The following C2CD5 variants were observed in gnomAD, a reference collection of about 807,000 sequenced individuals.
C2CD5 encodes C2 calcium dependent domain containing 5.
C2CD5 carries 109 observed loss-of-function variants against 130.3 expected under a neutral mutation model. The ratio of observed to expected loss-of-function variants is 0.84; its 90% CI spans 0.72 to 0.98. C2CD5 has a LOEUF of 0.98. C2CD5 is among the 50% of genes least tolerant of loss of function. C2CD5 has a pLI of 0.00. For missense variants in C2CD5, 996 were observed against 1,261.8 expected (o/e 0.79, Z 3.19); for synonymous variants, 454 against 429.2 (o/e 1.06, Z -0.71).
At chr12:22,529,881 C>T (rs1250357812) in intron 3 of C2CD5, among the ~76,000 whole-genome samples, 1 of 151,776 alleles carries the variant, frequency 6.6e-6, no homozygotes, top group Non-Finnish European at 1.5e-5. Flanking sequence ...CACTCATGTG[C>T]TCACTGGAAC....
chr12:22,491,373 C>A (rs1177592977), intron 11 of C2CD5, among the ~76,000 whole-genome samples: 1 of 151,978 alleles, frequency 6.6e-6, no homozygotes, highest in Non-Finnish European at 1.5e-5. Flanking sequence ...TCTCCTTATG[C>A]CTCTTCTTTT....
chr12:22,459,355 T>C (rs1940629352), intron 23 of C2CD5, 137 bp downstream of exon 23: 6 of 490,256 alleles, frequency 1.2e-5, no homozygotes, highest in Admixed American at 3.6e-5. Flanking sequence ...ATATTCTACC[T>C]ACAAAAAAAA....
chr12:22,474,589 C>T (rs1943556232), intron 16 of C2CD5, among the ~76,000 whole-genome samples, 162 bp downstream of exon 16: 1 of 152,032 alleles, frequency 6.6e-6, no homozygotes. Flanking sequence ...ACATATGTTA[C>T]CAAGTTCTGT....
rs370776773 is a variant in C2CD5 at position 22,449,788 on chromosome 12, G to A, written c.3128C>T (p.Ser1043Leu). The change falls in exon 27 of 27, where the codon TCA becomes TTA. Residue 1043 changes from serine (S) to leucine (L), a missense_variant. Physicochemically the swap from Ser to Leu is moderately radical, Grantham distance 145. Transcript: ENST00000446597. ...SQQPTTNCQSSCTEGEVTT is the reference protein window; with the variant it reads ...SQQPTTNCQSLCTEGEVTT ...GGTTGTAACTTCGCCTTCAGTACAT[G>A]ATGACTGGCAGTTGGTAGTAGGTTG... 1.9e-5 allele frequency: 30 copies of A among 1,606,656 alleles called. No individual in the cohort carries two copies. In the East Asian group the frequency reaches 6.5e-4, roughly 35 times the overall value.
chr12:22,475,244 T>C (rs751223191), intron 15 of C2CD5, among the ~76,000 whole-genome samples: 42 of 152,278 alleles, frequency 2.8e-4, no homozygotes, highest in Admixed American at 7.9e-4. Flanking sequence ...AAAGTCCTAA[T>C]AGGCCTTAAA....
chr12:22,504,304 CTTTTTTT>C (rs10707954), intron 10 of C2CD5, among the ~76,000 whole-genome samples: 2 of 135,618 alleles, frequency 1.5e-5, no homozygotes, highest in Non-Finnish European at 3.2e-5. Context: ...GTTTTTTTTT[CTTTTTTT>C]TTTTTTTTGA....
chr12:22,451,754 A>G (rs781741506), intron 26 of C2CD5, among the ~76,000 whole-genome samples: 13 of 152,116 alleles, frequency 8.5e-5, no homozygotes, highest in Non-Finnish European at 1.8e-4. Flanking sequence ...CCTCTTGGGC[A>G]TGTTAGGAGA....
At chr12:22,498,207 A>G (rs991451915) in intron 10 of C2CD5, among the ~76,000 whole-genome samples, 26 of 152,106 alleles carry the variant, frequency 1.7e-4, no homozygotes, top group African/African-American at 4.3e-4. Flanking sequence ...ACCTATCTCC[A>G]TTTAACTAAT....
chr12:22,518,025 A>G lies in C2CD5; in HGVS notation c.913T>C (p.Ser305Pro). The G allele has an allele frequency of 6.2e-7, 1 of 1,613,804 alleles. No individual in the cohort carries two copies. Among genetic ancestry groups the G allele is most frequent in the Non-Finnish European group, 8.5e-7 (1 of 1,179,802 alleles). The change falls in exon 8 of 27, where the codon TCT becomes CCT. Residue 305 changes from serine (S) to proline (P), a missense_variant. This residue lies in a region of C2CD5 where 156 missense variants were observed against 165.9 expected (regional missense o/e 0.94). Coordinates refer to ENST00000446597, the MANE Select transcript of C2CD5 (RefSeq NM_001286176.2). ...SPSKSYSRQS[S>P]SSDTDLSLTP... ...AAACTCAAATCTGTGTCAGAAGAAG[A>G]GGACTGTCGACTGTAGGACTTGGAA...
chr12:22,452,145 G>C (rs1277173708), intron 26 of C2CD5, among the ~76,000 whole-genome samples: 2 of 152,010 alleles, frequency 1.3e-5, no homozygotes, highest in Admixed American at 6.6e-5. Flanking sequence ...AAGTAATTAA[G>C]CAAAAAAGGA....
At chr12:22,472,711 T>C in intron 17 of C2CD5, 33 bp downstream of exon 17, 1 of 1,153,510 alleles carries the variant, frequency 8.7e-7, no homozygotes, top group Non-Finnish European at 1.3e-6. Context: ...TATGTAAAAC[T>C]AGTTTCATCT....
intron 24 of C2CD5, among the ~76,000 whole-genome samples, chr12:22,458,139 G>A (rs901110829): frequency 6.6e-6 from 1 of 152,034 alleles, no homozygotes; most frequent in Non-Finnish European, 1.5e-5. Flanking sequence ...TAAACCGACA[G>A]ATGCCACATA....
At chr12:22,464,633 T>TC (rs979182726) in intron 22 of C2CD5, among the ~76,000 whole-genome samples, 2 of 152,250 alleles carry the variant, frequency 1.3e-5, no homozygotes, top group Admixed American at 1.3e-4. Flanking sequence ...TGCATTCTCT[T>TC]CCCCTGAGCG....
chr12:22,479,381 A>C (rs547463615), intron 14 of C2CD5, among the ~76,000 whole-genome samples: 2 of 152,074 alleles, frequency 1.3e-5, no homozygotes, highest in African/African-American at 4.8e-5. Flanking sequence ...GACCTACCTC[A>C]TAATTTAAAA....
chr12:22,453,769 A>C (rs1939213735), intron 26 of C2CD5, 127 bp downstream of exon 26: 1 of 759,068 alleles, frequency 1.3e-6, no homozygotes, highest in Non-Finnish European at 2.2e-6. Flanking sequence ...AACTCATTAA[A>C]ATATCTTACG....
chr12:22,483,601 T>C (rs1294075940), intron 13 of C2CD5, among the ~76,000 whole-genome samples: 1 of 151,822 alleles, frequency 6.6e-6, no homozygotes, highest in Non-Finnish European at 1.5e-5. Flanking sequence ...TCAAAAGAAA[T>C]ACTAAAGCGT....
chr12:22,486,108 T>C (rs1043391260), intron 12 of C2CD5, among the ~76,000 whole-genome samples: 2 of 150,110 alleles, frequency 1.3e-5, no homozygotes, highest in Non-Finnish European at 3.0e-5. Context: ...GGTTACTTAA[T>C]AAAGTGAGAA....
chr12:22,512,643 A>T, intron 9 of C2CD5: 1 of 1,487,822 alleles, frequency 6.7e-7, no homozygotes, highest in Non-Finnish European at 8.9e-7. Flanking sequence ...TTTCAGAAAC[A>T]TACCCGCCTT....
chr12:22,489,265 A>C (rs1946028597), intron 12 of C2CD5, among the ~76,000 whole-genome samples: 1 of 151,752 alleles, frequency 6.6e-6, no homozygotes. Flanking sequence ...GGTAATTAAA[A>C]TCTGTATTAT....
Sources: gnomAD v4.1 joint callset for allele counts (sites outside exome capture counted in the v4.1 genomes callset) on GRCh38, gnomAD v4.1.1 for gene constraint, gnomAD v4.1.1 regional missense constraint, MANE v1.5 for transcripts, NCBI Gene and HGNC (gene_info 2026-07-23, HGNC 2026-07-21) for gene names.